SLA2: variants seen among roughly 807,000 people sequenced by gnomAD.
SLA2 encodes src-like-adapter 2.
A neutral mutation model predicts 27.3 loss-of-function variants in SLA2; 22 were observed. The ratio of observed to expected loss-of-function variants is 0.81; its 90% CI spans 0.58 to 1.15. The LOEUF is 1.15. SLA2 is among the 50% of genes most tolerant of loss of function. SLA2 has a pLI of 0.00. For synonymous variants in SLA2, 131 were observed against 137.8 expected (o/e 0.95, Z 0.34); for missense variants, 304 against 322.2 (o/e 0.94, Z 0.43).
At position 36,612,434 on chromosome 20, in the gene SLA2, A is replaced by G. The variant is rs182263194; in HGVS notation, c.*1432T>C. ...GTTTTTAAACTATCAATGGCATTTC[A>G]AGTCTTCTGAAACAGCATGGCTGTA... On this transcript the variant is annotated 3_prime_UTR_variant, in exon 8 of 8. Coordinates refer to ENST00000262866, the MANE Select transcript of SLA2 (RefSeq NM_032214.4). 1.7e-6 allele frequency: 1 copy of G among 598,798 alleles called. No homozygotes were observed. The highest frequency in any genetic ancestry group is 2.8e-5 in the East Asian group (1 of 35,202). The allele number at this position is 598,798 out of a possible 1,614,324, so 37.1% of individuals were successfully genotyped here. A position where few individuals can be genotyped will look rare whatever the true frequency, so the allele number is the denominator to read the frequency against.
chr20:36,634,837 T>A (rs867678046), intron 2 of SLA2, among the ~76,000 whole-genome samples: 5 of 150,600 alleles, frequency 3.3e-5, no homozygotes, highest in Non-Finnish European at 4.4e-5. Flanking sequence ...AGTGATAGGG[T>A]CTTGCTCCAT....
At chr20:36,640,389 A>G (rs1020457386) in intron 2 of SLA2, among the ~76,000 whole-genome samples, 6 of 152,174 alleles carry the variant, frequency 3.9e-5, no homozygotes, top group Admixed American at 2.0e-4. Context: ...CTAGGACAGT[A>G]TAGCAGAACT....
Position 36,614,398 on chromosome 20 carries a change from C to T in SLA2, c.572G>A (p.Cys191Tyr). Residue 191 changes from cysteine to tyrosine, a missense_variant, in exon 7 of 8, where the codon TGT becomes TAT. Cys to Tyr is a radical substitution (Grantham distance 194). Coordinates refer to ENST00000262866, the MANE Select transcript of SLA2 (RefSeq NM_032214.4). ...GAGCGGGCCAGCCCTCTGCAGGACACAGGGCTCCTTGAGTAGGCAGCAGAT... is the reference window on the plus strand; with the variant it reads ...GAGCGGGCCAGCCCTCTGCAGGACATAGGGCTCCTTGAGTAGGCAGCAGAT... Reference protein sequence around the residue: ...DDICCLLKEPCVLQRAGPLPG... With the variant: ...DDICCLLKEPYVLQRAGPLPG... 3 of 1,613,376 alleles carry T rather than the reference C, an allele frequency of 1.9e-6. No individual in the cohort carries two copies. Among genetic ancestry groups the T allele is most frequent in the Non-Finnish European group, 8.5e-7 (1 of 1,179,630 alleles).
chr20:36,614,274 C>G, intron 7 of SLA2, 31 bp downstream of exon 7: 1 of 1,614,112 alleles, frequency 6.2e-7, no homozygotes, highest in Non-Finnish European at 8.5e-7. Flanking sequence ...CTTGGTCCTG[C>G]TTTCATGTTT....
rs1334025484 is a variant in SLA2 at position 36,612,659 on chromosome 20, C to T, written c.*1207G>A. The T allele has an allele frequency of 4.1e-6, 1 of 243,708 alleles. No individual in the cohort carries two copies. The highest frequency in any genetic ancestry group is 2.2e-5 in the African/African-American group (1 of 44,590). 15.1% of individuals were successfully genotyped at this position (243,708 alleles called of 1,614,324 possible). On this transcript the variant is annotated 3_prime_UTR_variant, in exon 8 of 8. Transcript: ENST00000262866. ...CCTCCCACCCCATCCCTCTTTCTTCCTCTCCCTGATCCCTTAGCGGATCCA... is the reference window on the plus strand; with the variant it reads ...CCTCCCACCCCATCCCTCTTTCTTCTTCTCCCTGATCCCTTAGCGGATCCA...
intron 5 of SLA2, among the ~76,000 whole-genome samples, chr20:36,619,960 G>C (rs565883226): frequency 9.9e-5 from 15 of 151,570 alleles, no homozygotes; most frequent in Middle Eastern, 3.4e-3. Context: ...AATTAACCAG[G>C]TGTGGTGGTG....
intron 2 of SLA2, among the ~76,000 whole-genome samples, chr20:36,640,824 A>C (rs2039499549): frequency 6.6e-6 from 1 of 152,076 alleles, no homozygotes; most frequent in African/African-American, 2.4e-5. Flanking sequence ...ACCCTGGCCT[A>C]AAATGTTAAA....
At position 36,642,306 on chromosome 20, in the gene SLA2, A is replaced by G. The variant is rs76390987; in HGVS notation, c.-43-928T>C. Among the ~76,000 whole-genome samples the G allele has an allele frequency of 9.9e-4, 141 of 142,830 alleles. 4 individuals are homozygous for G. The East Asian group carries it at 0.027, about 28-fold the overall frequency. The allele number at this position is 142,830 out of a possible 152,430, so 93.7% of individuals were successfully genotyped here. ...TTTTCCTCATCTGAAAAATGGGGAT[A>G]ACAACACTCAACATACAGGTCCGAG... On this transcript the variant is annotated intron_variant, in intron 1 of 7. Coordinates refer to ENST00000262866, the MANE Select transcript of SLA2 (RefSeq NM_032214.4).
intron 5 of SLA2, among the ~76,000 whole-genome samples, chr20:36,626,262 C>T (rs762083375): frequency 2.6e-5 from 4 of 151,796 alleles, no homozygotes; most frequent in Non-Finnish European, 4.4e-5. Flanking sequence ...CGTGGTGGCA[C>T]GCACCTGTAA....
intron 5 of SLA2, among the ~76,000 whole-genome samples, chr20:36,617,643 G>C (rs897260224): frequency 1.3e-5 from 2 of 151,908 alleles, no homozygotes; most frequent in Non-Finnish European, 2.9e-5. Flanking sequence ...GGATCACAAG[G>C]TCAGGAGATC....
chr20:36,645,244 G>GAGC (rs1978287032), intron 1 of SLA2, among the ~76,000 whole-genome samples: 1 of 145,440 alleles, frequency 6.9e-6, no homozygotes, highest in African/African-American at 2.6e-5. Flanking sequence ...GTACATGCCT[G>GAGC]TAGTCTCAGC....
Position 36,615,388 on chromosome 20 carries a change from G to A in SLA2, c.383-14C>T. On this transcript the variant is annotated splice_polypyrimidine_tract_variant and intron_variant, in intron 5 of 7. Coordinates refer to ENST00000262866, the MANE Select transcript of SLA2 (RefSeq NM_032214.4). ...GAGAGTAAGAGCCTGAGGAGAAAGGGGTCCAGGGGTGGCACTGAGGCCCTG... is the reference window on the plus strand; with the variant it reads ...GAGAGTAAGAGCCTGAGGAGAAAGGAGTCCAGGGGTGGCACTGAGGCCCTG... 1.2e-6 allele frequency: 2 copies of A among 1,612,954 alleles called. No homozygotes were observed. Among genetic ancestry groups the A allele is most frequent in the Non-Finnish European group, 1.7e-6 (2 of 1,179,976 alleles).
At chr20:36,636,495 C>T (rs940537589) in intron 2 of SLA2, among the ~76,000 whole-genome samples, 11 of 148,970 alleles carry the variant, frequency 7.4e-5, no homozygotes, top group African/African-American at 2.5e-5. Context: ...GTCCCAGCTA[C>T]TCAGGAGGCT....
chr20:36,615,833 C>T (rs1401884767), intron 5 of SLA2, among the ~76,000 whole-genome samples: 1 of 152,086 alleles, frequency 6.6e-6, no homozygotes, highest in East Asian at 1.9e-4. Context: ...GCAGTTCTTC[C>T]CAGGCACAAT....
intron 1 of SLA2, among the ~76,000 whole-genome samples, chr20:36,645,180 C>A (rs1250245422): frequency 6.8e-6 from 1 of 147,076 alleles, no homozygotes; most frequent in African/African-American, 2.5e-5. Flanking sequence ...CACCCCCACC[C>A]CCACCACCGC....
chr20:36,615,782 A>AT (rs904749385), intron 5 of SLA2, among the ~76,000 whole-genome samples: 3 of 152,228 alleles, frequency 2.0e-5, no homozygotes, highest in African/African-American at 7.2e-5. Flanking sequence ...ACAGTTTGGC[A>AT]TTAACTAGAT....
At chr20:36,629,554 A>G (rs532445706) in intron 5 of SLA2, among the ~76,000 whole-genome samples, 1 of 151,880 alleles carries the variant, frequency 6.6e-6, no homozygotes, top group Non-Finnish European at 1.5e-5. Flanking sequence ...TGGGTGGATC[A>G]TCTGAGGTCA....
In SLA2 at chr20:36,619,265, C is replaced by T. The variant is rs1404457209; in HGVS notation, c.383-3891G>A. Among the ~76,000 whole-genome samples, 5 of 146,056 alleles carry T rather than the reference C, an allele frequency of 3.4e-5. No homozygotes were observed. The East Asian group carries it at 1.0e-3, about 30-fold the overall frequency. On this transcript the variant is annotated intron_variant, in intron 5 of 7. Coordinates refer to ENST00000262866, the MANE Select transcript of SLA2 (RefSeq NM_032214.4). ...AAAAGGCTGGGTGCGGTGGCTCACA[C>T]CTGTAATCCTAGCACTTTGGGAGGC...
intron 5 of SLA2, among the ~76,000 whole-genome samples, chr20:36,619,525 C>CA (rs1165421548): frequency 1.5e-4 from 21 of 138,362 alleles, no homozygotes; most frequent in South Asian, 6.9e-4. Context: ...GACTCTGTGT[C>CA]AAAAAAAAAA....
Sources: allele counts gnomAD v4.1 joint callset (sites outside exome capture counted in the v4.1 genomes callset), GRCh38; gene constraint gnomAD v4.1.1; transcripts MANE v1.5; gene names NCBI Gene and HGNC (gene_info 2026-07-23, HGNC 2026-07-21).